Variants in TBC1D16 observed in about 807,000 individuals in gnomAD.
TBC1D16 encodes CTD-2529O21.1.
Under a neutral mutation model 74.7 loss-of-function variants are expected in TBC1D16, and 58 were observed. The observed-to-expected ratio is 0.78, with a 90% CI of 0.63 to 0.97. The LOEUF (loss-of-function observed/expected upper bound fraction) is 0.97. Among genes scored for constraint, TBC1D16 ranks in the 50% least tolerant of loss-of-function variants. TBC1D16 has a pLI of 0.00. For synonymous variants in TBC1D16, 493 were observed against 474.7 expected, an observed-to-expected ratio of 1.04 and a Z score of -0.50; for missense variants, 1,014 against 1,079.5, an observed-to-expected ratio of 0.94 and a Z score of 0.85.
In TBC1D16 at chr17:80,000,893, G is replaced by A. The variant is rs1387134826; in HGVS notation, c.779+9267C>T. On this transcript the variant is annotated intron_variant, in intron 3 of 11. Coordinates refer to ENST00000310924, the MANE Select transcript of TBC1D16 (RefSeq NM_019020.4). This position sits in a 1 kb window ranked among gnomAD's most constrained non-coding sequence, Gnocchi z 4.1. Reference sequence around the variant, plus strand: ...TTACAGGCCTCACCCAACCAAGCCCGCCAGCCCCTTCTCTGCCTAGACATC... The same window carrying A: ...TTACAGGCCTCACCCAACCAAGCCCACCAGCCCCTTCTCTGCCTAGACATC... 6.6e-6 allele frequency among the ~76,000 whole-genome samples: 1 copy of A among 152,194 alleles called. No individual in the cohort carries two copies. The highest frequency in any genetic ancestry group is 1.5e-5 in the Non-Finnish European group (1 of 68,036).
intron 3 of TBC1D16, among the ~76,000 whole-genome samples, chr17:80,005,206 A>C (rs1296138069): frequency 6.6e-6 from 1 of 152,122 alleles, no homozygotes; most frequent in Non-Finnish European, 1.5e-5. Flanking sequence ...CAGCCTCCGG[A>C]GTAGCAGCTT....
chr17:80,009,179 C>T lies in TBC1D16; in HGVS notation c.779+981G>A, dbSNP rs2035787286. ...CCACCCACGTCCAGCATGCGCCCGG[C>T]TCACACCACGAGCTCAACAGTTAAT... On this transcript the variant is annotated intron_variant, in intron 3 of 11. Coordinates refer to ENST00000310924, the MANE Select transcript of TBC1D16 (RefSeq NM_019020.4). This position sits in a 1 kb window ranked among gnomAD's most constrained non-coding sequence, Gnocchi z 5.4. Among the ~76,000 whole-genome samples, 1 of 152,266 alleles carries T rather than the reference C, an allele frequency of 6.6e-6. No homozygotes were observed. Among genetic ancestry groups the T allele is most frequent in the African/African-American group, 2.4e-5 (1 of 41,476 alleles).
At position 79,994,661 on chromosome 17, in the gene TBC1D16, T is replaced by C. The variant is rs2035199630; in HGVS notation, c.779+15499A>G. ...CTTGTCTTGAACTCCTGACCTCAGG[T>C]GATCCACCAGCCTCGGCATCCCAAA... On this transcript the variant is annotated intron_variant, in intron 3 of 11. Coordinates refer to ENST00000310924, the MANE Select transcript of TBC1D16 (RefSeq NM_019020.4). This position sits in a 1 kb window ranked among gnomAD's most constrained non-coding sequence, Gnocchi z 4.6. Among the ~76,000 whole-genome samples, 1 of 152,084 alleles carries C rather than the reference T, an allele frequency of 6.6e-6. No individual in the cohort carries two copies. Among genetic ancestry groups the C allele is most frequent in the Admixed American group, 6.6e-5 (1 of 15,266 alleles).
chr17:80,010,234 C>T lies in TBC1D16; in HGVS notation c.705G>A (p.Ser235=), dbSNP rs757343248. 5.0e-6 allele frequency: 8 copies of T among 1,613,268 alleles called. No individual in the cohort carries two copies. Among genetic ancestry groups the T allele is most frequent in the South Asian group, 2.2e-5 (2 of 90,986 alleles). The stretch of plus-strand genomic sequence containing the variant: ...CGCTGATGGGCGAGAGGCAGAAGGG[C>T]GAGGAGAAGGTGTCTGAGTCTGAGT... The part of the protein sequence containing the change: ...SFDSDSDTFS[S]PFCLSPISAA... The change falls in exon 3 of 12, where the codon TCG becomes TCA. Residue 235 remains serine, a synonymous_variant. Transcript: ENST00000310924. This position sits in a 1 kb window ranked among gnomAD's most constrained non-coding sequence, Gnocchi z 8.8.
At position 79,980,479 on chromosome 17, in the gene TBC1D16, G is replaced by T. The variant is rs1430172036; in HGVS notation, c.780-27661C>A. Among the ~76,000 whole-genome samples the T allele has an allele frequency of 6.6e-6, 1 of 152,182 alleles. No individual in the cohort carries two copies. The highest frequency in any genetic ancestry group is 2.4e-5 in the African/African-American group (1 of 41,432). On this transcript the variant is annotated intron_variant, in intron 3 of 11. Coordinates refer to ENST00000310924, the MANE Select transcript of TBC1D16 (RefSeq NM_019020.4). This position sits in a 1 kb window ranked among gnomAD's most constrained non-coding sequence, Gnocchi z 7.0. ...TACGTTGTGGGGTGGTGTAACCAGG[G>T]TTTGTCCAGAAAAAGACACAGAACC...
In TBC1D16 at chr17:79,944,048, G is replaced by C; in HGVS notation, c.1908+860C>G. ...GGGCGAGCCGATGACCGCATGCAAA[G>C]GCGGCGTGTGGTACCGGCACTCGGT... On this transcript the variant is annotated intron_variant, in intron 10 of 11. Coordinates refer to ENST00000310924, the MANE Select transcript of TBC1D16 (RefSeq NM_019020.4). The surrounding 1 kb of genome is among the most constrained non-coding windows in gnomAD (Gnocchi z 7.7). 6.5e-7 allele frequency: 1 copy of C among 1,535,978 alleles called. No homozygotes were observed. The highest frequency in any genetic ancestry group is 8.7e-7 in the Non-Finnish European group (1 of 1,146,820).
rs2033597736 is a variant in TBC1D16, at chr17:79,961,133, T to C, written c.780-8315A>G. ...TGGTACATCTTAACAAGGGAATACA[T>C]ACGCCTCAGCAATAAAAAGGAGCAA... On this transcript the variant is annotated intron_variant, in intron 3 of 11. Coordinates refer to ENST00000310924, the MANE Select transcript of TBC1D16 (RefSeq NM_019020.4). The surrounding 1 kb of genome is among the most constrained non-coding windows in gnomAD (Gnocchi z 4.8). 6.6e-6 allele frequency among the ~76,000 whole-genome samples: 1 copy of C among 152,190 alleles called. No individual in the cohort carries two copies. The highest frequency in any genetic ancestry group is 2.4e-5 in the African/African-American group (1 of 41,444).
In TBC1D16 at chr17:79,944,780, G is replaced by A. The variant is rs894024455; in HGVS notation, c.1908+128C>T. On this transcript the variant is annotated intron_variant, in intron 10 of 11. Coordinates refer to ENST00000310924, the MANE Select transcript of TBC1D16 (RefSeq NM_019020.4). This position sits in a 1 kb window ranked among gnomAD's most constrained non-coding sequence, Gnocchi z 7.7. ...CACGTGGGACGGGAAGGCAGTCGCC[G>A]TATGGGGGGCTAATGTGTGGCTGTG... The A allele has an allele frequency of 1.5e-5, 13 of 860,574 alleles. No homozygotes were observed. The highest frequency in any genetic ancestry group is 5.1e-5 in the African/African-American group (3 of 58,306). 53.3% of individuals were successfully genotyped at this position (860,574 alleles called of 1,614,324 possible).
intron 1 of TBC1D16, among the ~76,000 whole-genome samples, chr17:80,026,293 C>T (rs778698019): frequency 1.0e-4 from 15 of 149,754 alleles, no homozygotes; most frequent in East Asian, 1.9e-4. Context: ...GGCATGGTGG[C>T]GCACGCCTGT....
intron 9 of TBC1D16, among the ~76,000 whole-genome samples, chr17:79,946,564 G>T (rs1003854354): frequency 2.6e-5 from 4 of 152,158 alleles, no homozygotes; most frequent in Non-Finnish European, 5.9e-5. Flanking sequence ...TGTGTCCTGG[G>T]GTGGGGACCC....
At position 80,035,439 on chromosome 17, in the gene TBC1D16, C is replaced by T. The variant is rs1424279967; in HGVS notation, c.-63+356G>A. Among the ~76,000 whole-genome samples, 1 of 152,010 alleles carries T rather than the reference C, an allele frequency of 6.6e-6. No individual in the cohort carries two copies. Among genetic ancestry groups the T allele is most frequent in the Non-Finnish European group, 1.5e-5 (1 of 67,982 alleles). On this transcript the variant is annotated intron_variant, in intron 1 of 11. Coordinates refer to ENST00000310924, the MANE Select transcript of TBC1D16 (RefSeq NM_019020.4). This position sits in a 1 kb window ranked among gnomAD's most constrained non-coding sequence, Gnocchi z 5.3. The stretch of plus-strand genomic sequence containing the variant: ...ACAAGTTCTCATCCGTCTGCTCCGC[C>T]GATTCAGCCAGACAAAGACCGCAAG...
At chr17:80,023,301 G>A (rs1336113664) in intron 1 of TBC1D16, among the ~76,000 whole-genome samples, 5 of 149,964 alleles carry the variant, frequency 3.3e-5, no homozygotes, top group South Asian at 4.2e-4. Context: ...ATGGGCAGGC[G>A]GCCCTCCAGG....
rs1031685528 is a variant in TBC1D16, at chr17:79,950,074, G to C, written c.1258-209C>G. Among the ~76,000 whole-genome samples, 21 of 152,342 alleles carry C rather than the reference G, an allele frequency of 1.4e-4. No individual in the cohort carries two copies. The highest frequency in any genetic ancestry group is 5.1e-4 in the African/African-American group (21 of 41,584). On this transcript the variant is annotated intron_variant, in intron 6 of 11. Coordinates refer to ENST00000310924, the MANE Select transcript of TBC1D16 (RefSeq NM_019020.4). This position sits in a 1 kb window ranked among gnomAD's most constrained non-coding sequence, Gnocchi z 4.6. ...ATTTCAATGTCAATGCCCCCCCTGG[G>C]GTGGCGCTCAGATTAACGTGTCGTT...
intron 9 of TBC1D16, among the ~76,000 whole-genome samples, 171 bp downstream of exon 9, chr17:79,947,474 G>A (rs541348397): frequency 6.6e-6 from 1 of 152,282 alleles, no homozygotes; most frequent in South Asian, 2.1e-4. Flanking sequence ...CCCGGAGGCC[G>A]AGATAGGCTA....
chr17:79,965,493 T>C (rs2033805577), intron 3 of TBC1D16, among the ~76,000 whole-genome samples: 1 of 152,234 alleles, frequency 6.6e-6, no homozygotes, highest in African/African-American at 2.4e-5. Context: ...TCGTCATGGC[T>C]ACCATTTATT....
At chr17:79,996,975 A>C (rs1416280726) in intron 3 of TBC1D16, among the ~76,000 whole-genome samples, 1 of 152,208 alleles carries the variant, frequency 6.6e-6, no homozygotes, top group African/African-American at 2.4e-5. Context: ...AGTTCTTGAC[A>C]CACAGGACAG....
In TBC1D16 at chr17:79,939,656, T is replaced by G. The variant is rs1053463575; in HGVS notation, c.*1203A>C. On this transcript the variant is annotated 3_prime_UTR_variant, in exon 12 of 12. Coordinates refer to ENST00000310924, the MANE Select transcript of TBC1D16 (RefSeq NM_019020.4). ...TCTCACAGCATAGATCGCACACCCT[T>G]TTCTGTCCATCTCTAAATCCCAGAA... 1 of 152,148 alleles carries G rather than the reference T, an allele frequency of 6.6e-6. No homozygotes were observed. The highest frequency in any genetic ancestry group is 1.5e-5 in the Non-Finnish European group (1 of 68,030). The allele number at this position is 152,148 out of a possible 1,614,324, so 9.4% of individuals were successfully genotyped here.
rs528968862 is a variant in TBC1D16 at position 80,029,790 on chromosome 17, GCATAA to G, written c.-63+6000_-63+6004del. The stretch of plus-strand genomic sequence containing the variant: ...CAAACTTACCAGCTACAACACAAAT[GCATAA>G]CCTTACAGTCCTGGAGGTCTGAAAT... On this transcript the variant is annotated intron_variant, in intron 1 of 11. Transcript: ENST00000310924. Among the ~76,000 whole-genome samples the G allele has an allele frequency of 3.0e-4, 45 of 152,226 alleles. No homozygotes were observed. The South Asian group carries it at 8.5e-3, about 29-fold the overall frequency.
rs2035029089 is a variant in TBC1D16, at chr17:79,990,822, A to C, written c.779+19338T>G. On this transcript the variant is annotated intron_variant, in intron 3 of 11. Transcript: ENST00000310924. The surrounding 1 kb of genome is among the most constrained non-coding windows in gnomAD (Gnocchi z 4.8). Reference sequence around the variant, plus strand: ...AGCCTGACAACTCCAGGGGTCGCACACAAGTGGAATCACACAGATTTGGCC... The same window carrying C: ...AGCCTGACAACTCCAGGGGTCGCACCCAAGTGGAATCACACAGATTTGGCC... Among the ~76,000 whole-genome samples, 1 of 152,132 alleles carries C rather than the reference A, an allele frequency of 6.6e-6. No homozygotes were observed. The highest frequency in any genetic ancestry group is 2.4e-5 in the African/African-American group (1 of 41,438).
Sources: gnomAD v4.1 joint callset for allele counts (sites outside exome capture counted in the v4.1 genomes callset) on GRCh38, gnomAD v4.1.1 for gene constraint, Gnocchi (gnomAD v3.1) non-coding constraint, MANE v1.5 for transcripts, NCBI Gene and HGNC (gene_info 2026-07-23, HGNC 2026-07-21) for gene names.